The following CLASRP variants were observed in gnomAD, a reference collection of about 807,000 sequenced individuals.
CLASRP encodes CLK4-associating serine/arginine rich protein.
Under a neutral mutation model 99.9 loss-of-function variants are expected in CLASRP, and 52 were observed. The ratio of observed to expected loss-of-function variants is 0.52; its 90% confidence interval spans 0.42 to 0.66. CLASRP has a LOEUF of 0.66. Ranked by LOEUF, CLASRP falls within the 30% of genes least tolerant of loss-of-function variation. The pLI, the probability that CLASRP is intolerant of heterozygous loss-of-function variation, is 0.00. For synonymous variants in CLASRP, 379 were observed against 373.0 expected (o/e 1.02, Z -0.18); for missense variants, 848 against 999.2 (o/e 0.85, Z 2.04).
At chr19:45,066,768 T>C (rs1967096656) in intron 13 of CLASRP, among the ~76,000 whole-genome samples, 1 of 151,994 alleles carries the variant, frequency 6.6e-6, no homozygotes, top group Non-Finnish European at 1.5e-5. Context: ...TGGGCACATC[T>C]TGCATGCCAG....
intron 2 of CLASRP, among the ~76,000 whole-genome samples, chr19:45,041,266 GTGAATATTAAGTGAAACC>G (rs1413077640): frequency 1.3e-5 from 2 of 151,500 alleles, no homozygotes; most frequent in East Asian, 3.9e-4. Context: ...AAAAAAAGGA[GTGAATATTAAGTGAAACC>G]TGACCACTTC....
intron 2 of CLASRP, among the ~76,000 whole-genome samples, chr19:45,041,801 C>T (rs540517437): frequency 2.0e-5 from 3 of 152,354 alleles, no homozygotes; most frequent in African/African-American, 7.2e-5. Context: ...ACTCACACCA[C>T]CCCACACTCT....
chr19:45,042,894 G>A (rs181796679), intron 2 of CLASRP, among the ~76,000 whole-genome samples: 43 of 152,270 alleles, frequency 2.8e-4, no homozygotes, highest in Non-Finnish European at 4.4e-4. Context: ...TGGGATTACA[G>A]GCGTGAGCCA....
chr19:45,045,359 A>G (rs1213331986), intron 2 of CLASRP, among the ~76,000 whole-genome samples: 3 of 152,108 alleles, frequency 2.0e-5, no homozygotes, highest in Admixed American at 6.6e-5. Flanking sequence ...ATACCAAAAT[A>G]TACAAAAATT....
intron 11 of CLASRP, among the ~76,000 whole-genome samples, chr19:45,063,393 T>G (rs1459070446): frequency 6.6e-6 from 1 of 151,150 alleles, no homozygotes; most frequent in African/African-American, 2.4e-5. Flanking sequence ...CCATGTATCT[T>G]TTGAGTAAAA....
In CLASRP at chr19:45,067,656, C is replaced by A; in HGVS notation, c.1667+62C>A. ...TCTCGGGTGGGGAGGGTGAACATCA[C>A]TGTTTTCTTTTTGAGGGGAACTTAG... On this transcript the variant is annotated intron_variant, in intron 14 of 20. Transcript: ENST00000221455. The surrounding 1 kb of genome is among the most constrained non-coding windows in gnomAD (Gnocchi z 4.9). The A allele has an allele frequency of 6.9e-7, 1 of 1,448,620 alleles. No individual in the cohort carries two copies. Among genetic ancestry groups the A allele is most frequent in the Non-Finnish European group, 9.4e-7 (1 of 1,069,308 alleles). 89.7% of individuals were successfully genotyped at this position (1,448,620 alleles called of 1,614,324 possible).
chr19:45,070,475 G>T (rs920727778), intron 19 of CLASRP, 62 bp from the exon 20 acceptor site: 7 of 1,536,504 alleles, frequency 4.6e-6, no homozygotes, highest in Admixed American at 3.3e-5. Context: ...CTCACCCCAG[G>T]TCAAGGAAGA....
Position 45,070,855 on chromosome 19 carries a change from TG to T in CLASRP, c.*16del, listed in dbSNP as rs1967228414. ...CCATTACCGACATTAGGCAGAAGAGTGGGGGGTGGGGAGGACAAGGGGGTGG... is the reference window on the plus strand; with the variant it reads ...CCATTACCGACATTAGGCAGAAGAGTGGGGGTGGGGAGGACAAGGGGGTGG... On this transcript the variant is annotated 3_prime_UTR_variant, in exon 21 of 21. Coordinates refer to ENST00000221455, the MANE Select transcript of CLASRP (RefSeq NM_007056.3). 23 of 1,068,320 alleles carry T rather than the reference TG, an allele frequency of 2.2e-5. No individual in the cohort carries two copies. The highest frequency in any genetic ancestry group is 7.2e-5 in the East Asian group (2 of 27,920). The allele number at this position is 1,068,320 out of a possible 1,614,324, so 66.2% of individuals were successfully genotyped here.
intron 2 of CLASRP, among the ~76,000 whole-genome samples, chr19:45,041,675 T>C (rs904774285): frequency 3.3e-5 from 5 of 152,244 alleles, no homozygotes; most frequent in Admixed American, 1.3e-4. Flanking sequence ...AAACTGACCC[T>C]GTCCCTTCGT....
chr19:45,069,770 G>A (rs1269004028), intron 18 of CLASRP: 6 of 511,784 alleles, frequency 1.2e-5, no homozygotes, highest in East Asian at 3.4e-5. Context: ...GCCCCAGTGC[G>A]GCAGGAAATG....
At chr19:45,041,798 C>G (rs1411288955) in intron 2 of CLASRP, among the ~76,000 whole-genome samples, 1 of 152,236 alleles carries the variant, frequency 6.6e-6, no homozygotes, top group Non-Finnish European at 1.5e-5. Context: ...CAGACTCACA[C>G]CACCCCACAC....
chr19:45,070,624 TG>T, intron 20 of CLASRP, 63 bp downstream of exon 20: 1 of 1,493,542 alleles, frequency 6.7e-7, no homozygotes, highest in Non-Finnish European at 9.3e-7. Context: ...TGGGAGGTCC[TG>T]GCTGTCATTC....
chr19:45,069,605 A>G, intron 18 of CLASRP: 1 of 476,406 alleles, frequency 2.1e-6, no homozygotes, highest in Non-Finnish European at 3.8e-6. Context: ...TATCTCCTAA[A>G]TGGAGATACA....
Position 45,060,056 on chromosome 19 carries a change from C to G in CLASRP, c.711-333C>G, listed in dbSNP as rs1460844025. 2.0e-5 allele frequency among the ~76,000 whole-genome samples: 3 copies of G among 152,178 alleles called. No individual in the cohort carries two copies. Among genetic ancestry groups the G allele is most frequent in the African/African-American group, 7.2e-5 (3 of 41,444 alleles). Reference sequence around the variant, plus strand: ...CTAGATACCCTGTTTTGTGTGGCTTCCCTGAGCTCCCTCTTGAAAACTGCA... The same window carrying G: ...CTAGATACCCTGTTTTGTGTGGCTTGCCTGAGCTCCCTCTTGAAAACTGCA... On this transcript the variant is annotated intron_variant, in intron 8 of 20. Transcript: ENST00000221455. The surrounding 1 kb of genome is among the most constrained non-coding windows in gnomAD (Gnocchi z 4.6).
Position 45,057,720 on chromosome 19 carries a change from G to A in CLASRP, c.465-30G>A, listed in dbSNP as rs755953731. The A allele has an allele frequency of 3.7e-5, 60 of 1,612,924 alleles. 1 individual carries two copies. The Admixed American group carries it at 8.2e-4, about 22-fold the overall frequency. On this transcript the variant is annotated intron_variant, in intron 6 of 20. Transcript: ENST00000221455. Reference sequence around the variant, plus strand: ...TGGGGCCCTCATCTCCACTGGGCACGGCCCTGGCTTACCAGCTCCCCTTTC... The same window carrying A: ...TGGGGCCCTCATCTCCACTGGGCACAGCCCTGGCTTACCAGCTCCCCTTTC...
intron 2 of CLASRP, among the ~76,000 whole-genome samples, chr19:45,046,749 C>T (rs550707089): frequency 1.3e-4 from 20 of 152,306 alleles, no homozygotes; most frequent in Non-Finnish European, 2.5e-4. Flanking sequence ...GGTTTTGGGC[C>T]GGGCGCGGTA....
chr19:45,067,565 G>T lies in CLASRP; in HGVS notation c.1638G>T (p.Ala546=). 1 of 1,602,790 alleles carries T rather than the reference G, an allele frequency of 6.2e-7. No homozygotes were observed. Among genetic ancestry groups the T allele is most frequent in the Non-Finnish European group, 8.5e-7 (1 of 1,176,984 alleles). ...PAREKLTRPA[A]SPAVGEKLKK... The stretch of plus-strand genomic sequence containing the variant: ...GAGAGAAGCTGACCAGGCCGGCCGC[G>T]TCCCCTGCTGTGGGCGAGAAGCTGA... Residue 546 remains alanine (A), a synonymous_variant, in exon 14 of 21, where the codon GCG becomes GCT. Coordinates refer to ENST00000221455, the MANE Select transcript of CLASRP (RefSeq NM_007056.3). This position sits in a 1 kb window ranked among gnomAD's most constrained non-coding sequence, Gnocchi z 4.9.
intron 7 of CLASRP, among the ~76,000 whole-genome samples, chr19:45,058,665 G>A (rs530243741): frequency 2.7e-4 from 41 of 152,150 alleles, no homozygotes; most frequent in Non-Finnish European, 5.0e-4. Flanking sequence ...GATTACAGAC[G>A]TGAGCCACCG....
intron 2 of CLASRP, among the ~76,000 whole-genome samples, chr19:45,049,806 C>G (rs1384473701): frequency 6.6e-6 from 1 of 152,170 alleles, no homozygotes; most frequent in African/African-American, 2.4e-5. Flanking sequence ...AAACAGAGCC[C>G]TGCCTCCTGG....
Sources: gnomAD v4.1 joint callset for allele counts (sites outside exome capture counted in the v4.1 genomes callset) on GRCh38, gnomAD v4.1.1 for gene constraint, Gnocchi (gnomAD v3.1) non-coding constraint, MANE v1.5 for transcripts, NCBI Gene and HGNC (gene_info 2026-07-23, HGNC 2026-07-21) for gene names.